Variants in TNXB observed in about 807,000 individuals in gnomAD.
The protein encoded by TNXB is tenascin XB.
A neutral mutation model predicts 340.5 loss-of-function variants in TNXB; 183 were observed. The observed-to-expected ratio is 0.54, with a 90% confidence interval of 0.48 to 0.61. TNXB has a LOEUF of 0.61. TNXB is among the 20% of genes least tolerant of loss of function. The pLI, the probability that TNXB is intolerant of heterozygous loss-of-function variation, is 0.00. For synonymous variants in TNXB, 2,121 were observed against 2,314.5 expected (o/e 0.92, Z 2.40); for missense variants, 4,613 against 5,446.4 (o/e 0.85, Z 4.82).
chr6:32,061,325 G>GAA lies in TNXB; in HGVS notation c.7492+70_7492+71dup. 5.8e-6 allele frequency: 9 copies of GAA among 1,563,286 alleles called. No homozygotes were observed. Among genetic ancestry groups the GAA allele is most frequent in the Non-Finnish European group, 7.8e-6 (9 of 1,153,354 alleles). On this transcript the variant is annotated intron_variant, in intron 21 of 43. Coordinates refer to ENST00000644971, the MANE Select transcript of TNXB (RefSeq NM_001365276.2). The surrounding 1 kb of genome is among the most constrained non-coding windows in gnomAD (Gnocchi z 4.4). Reference sequence around the variant, plus strand: ...CAAGTCTGGACCCACAGGGCTTGGTGAAAGGGCACAGCAGTAAACCAGGTA... The same window carrying GAA: ...CAAGTCTGGACCCACAGGGCTTGGTGAAAAAGGGCACAGCAGTAAACCAGGTA...
rs1266102994 is a variant in TNXB, at chr6:32,069,839, A to G, written c.5301T>C (p.Asp1767=). ...GTTEARSAMD[D]TGTKRPPKPR... is the part of the protein sequence containing the mutation. ...GTTTTGGGGGACGCTTTGTTCCAGT[A>G]TCATCCATAGCACTCCGGGCTTCTG... The change falls in exon 15 of 44, where the codon GAT becomes GAC. Residue 1767 remains aspartate (D), a synonymous_variant. Coordinates refer to ENST00000644971, the MANE Select transcript of TNXB (RefSeq NM_001365276.2). The surrounding 1 kb of genome is among the most constrained non-coding windows in gnomAD (Gnocchi z 6.2). 2 of 1,606,900 alleles carry G rather than the reference A, an allele frequency of 1.2e-6. 1 individual carries two copies. The highest frequency in any genetic ancestry group is 3.3e-4 in the Middle Eastern group (2 of 6,032).
In TNXB at chr6:32,088,835, G is replaced by A. The variant is rs1295077978; in HGVS notation, c.2729C>T (p.Ala910Val). ...PGVEYVVTVT[A>V]ERGRAVSYPA... ...GTAGCTGACTGCCCGGCCCCGCTCC[G>A]CTGTGACAGTCACCACATATTCTAC... The change falls in exon 6 of 44, where the codon GCG becomes GTG. Residue 910 changes from alanine (A) to valine (V), a missense_variant. Ala to Val is a moderately conservative substitution (Grantham distance 64, BLOSUM62 0). Coordinates refer to ENST00000644971, the MANE Select transcript of TNXB (RefSeq NM_001365276.2). 4 of 1,582,432 alleles carry A rather than the reference G, an allele frequency of 2.5e-6. No homozygotes were observed. Among genetic ancestry groups the A allele is most frequent in the East Asian group, 4.6e-5 (2 of 43,520 alleles).
In TNXB at chr6:32,051,416, TA is replaced by T. The variant is rs1777277666; in HGVS notation, c.9116-1096del. ...AAGAAAAATTCGCTTCAACAAATTCTAAGAGAGTTTCCAAATCTGTTACTGG... is the reference window on the plus strand; with the variant it reads ...AAGAAAAATTCGCTTCAACAAATTCTAGAGAGTTTCCAAATCTGTTACTGG... On this transcript the variant is annotated intron_variant, in intron 26 of 43. Transcript: ENST00000644971. The surrounding 1 kb of genome is among the most constrained non-coding windows in gnomAD (Gnocchi z 4.7). Among the ~76,000 whole-genome samples, 1 of 152,234 alleles carries T rather than the reference TA, an allele frequency of 6.6e-6. No homozygotes were observed. The highest frequency in any genetic ancestry group is 1.5e-5 in the Non-Finnish European group (1 of 68,038).
Position 32,046,451 on chromosome 6 carries a change from G to A in TNXB, c.10330C>T (p.Leu3444=). 6.4e-7 allele frequency: 1 copy of A among 1,572,198 alleles called. No individual in the cohort carries two copies. The highest frequency in any genetic ancestry group is 8.7e-7 in the Non-Finnish European group (1 of 1,152,242). Reference sequence around the variant, plus strand: ...AGGTGGGGAGGTAGCTCCTTCTCCAGGGGAGCTGTGCAGAGGGAGGAGGGA... The same window carrying A: ...AGGTGGGGAGGTAGCTCCTTCTCCAAGGGAGCTGTGCAGAGGGAGGAGGGA... ...PISADSTTAP[L]EKELPPHLGE... Residue 3444 remains leucine (L), a synonymous_variant, in exon 31 of 44, where the codon CTG becomes TTG. Transcript: ENST00000644971. The surrounding 1 kb of genome is among the most constrained non-coding windows in gnomAD (Gnocchi z 6.9).
chr6:32,063,220 T>C (rs1778139149), intron 19 of TNXB, among the ~76,000 whole-genome samples: 1 of 152,056 alleles, frequency 6.6e-6, no homozygotes, highest in African/African-American at 2.4e-5. Flanking sequence ...AAATCCTGTC[T>C]GTACTAAAAA....
chr6:32,093,383 C>T lies in TNXB; in HGVS notation c.2358+1693G>A, dbSNP rs780347857. 18 of 701,736 alleles carry T rather than the reference C, an allele frequency of 2.6e-5. 1 individual carries two copies. The Middle Eastern group carries it at 6.9e-4, about 27-fold the overall frequency. 43.5% of individuals were successfully genotyped at this position (701,736 alleles called of 1,614,324 possible). A position where few individuals can be genotyped will look rare whatever the true frequency, so the allele number is the denominator to read the frequency against. On this transcript the variant is annotated intron_variant, in intron 4 of 43. Transcript: ENST00000644971. The stretch of plus-strand genomic sequence containing the variant: ...GAAAAAATTCAAGCTATCTTGGTTG[C>T]GCCACGAAGTTGAGATTTCTGCTTC...
chr6:32,043,460 T>A lies in TNXB; in HGVS notation c.11627A>T (p.Asp3876Val). 1 of 587,036 alleles carries A rather than the reference T, an allele frequency of 1.7e-6. No homozygotes were observed. Among genetic ancestry groups the A allele is most frequent in the Non-Finnish European group, 2.9e-6 (1 of 342,036 alleles). 36.4% of individuals were successfully genotyped at this position (587,036 alleles called of 1,614,324 possible). A position where few individuals can be genotyped will look rare whatever the true frequency, so the allele number is the denominator to read the frequency against. Residue 3876 changes from aspartate to valine, a missense_variant, in exon 36 of 44, where the codon GAC becomes GTC. Asp to Val is a radical substitution (Grantham distance 152, BLOSUM62 -3). Coordinates refer to ENST00000644971, the MANE Select transcript of TNXB (RefSeq NM_001365276.2). ...ACCCCCAGGGGCTGTGACCTGGACG[T>A]CATAGGTGTCCACAGGATTCTGGGG... ...KPPQNPVDTY[D>V]VQVTAPGAPP...
Position 32,042,473 on chromosome 6 carries a change from A to G in TNXB, c.12192T>C (p.Thr4064=), listed in dbSNP as rs777283220. Residue 4064 remains threonine, a synonymous_variant, in exon 40 of 44, where the codon ACT becomes ACC. Transcript: ENST00000644971. ...CACCCACCAGCCAGCCGCCCCCATC[A>G]GTCTCCATGTCGCAAAACACGTTCA... ...RPLNVFCDME[T]DGGGWLVFQR... 6.2e-7 allele frequency: 1 copy of G among 1,612,468 alleles called. No individual in the cohort carries two copies. The highest frequency in any genetic ancestry group is 1.7e-5 in the Admixed American group (1 of 59,964).
Position 32,069,652 on chromosome 6 carries a change from T to G in TNXB, c.5488A>C (p.Ser1830Arg), listed in dbSNP as rs200519530. The G allele has an allele frequency of 9.7e-4, 1,563 of 1,612,968 alleles. 3 individuals are homozygous for G. The highest frequency in any genetic ancestry group is 1.1e-3 in the Non-Finnish European group (1,268 of 1,179,584). The change falls in exon 15 of 44, where the codon AGC becomes CGC. Residue 1830 changes from serine to arginine, a missense_variant. Around this residue, in one of 7 missense-constraint regions of TNXB, gnomAD observed 4,327 missense variants for 4,859.4 expected, o/e 0.89. Transcript: ENST00000644971. The surrounding 1 kb of genome is among the most constrained non-coding windows in gnomAD (Gnocchi z 6.2). ...TGGGCAGGGTCCAGGCCCGGCACGC[T>G]GACCTCCCTGAGGCTGCCCTCCACG... ...VPVEGSLREV[S>R]VPGLDPAHRY...
At chr6:32,053,147 C>T (rs574882922) in intron 25 of TNXB, among the ~76,000 whole-genome samples, 154 bp from the exon 26 acceptor site, 8 of 152,220 alleles carry the variant, frequency 5.3e-5, no homozygotes, top group Admixed American at 2.0e-4. Flanking sequence ...GCTCAGTTTA[C>T]AGTCAACACA....
At position 32,062,484 on chromosome 6, in the gene TNXB, C is replaced by G. The variant is rs1243672817; in HGVS notation, c.6842-1G>C. On this transcript the variant is annotated splice_acceptor_variant, in intron 19 of 43. Transcript: ENST00000644971. LOFTEE classifies it high-confidence loss of function. The surrounding 1 kb of genome is among the most constrained non-coding windows in gnomAD (Gnocchi z 4.3). ...GCCATTTCTTCATCCTTTCCTGGGG[C>G]TGCATCAGAAAATAGAATGGGTGGG... is the stretch of plus-strand genomic sequence containing the variant. 6.3e-7 allele frequency: 1 copy of G among 1,596,668 alleles called. No homozygotes were observed. Among genetic ancestry groups the G allele is most frequent in the Non-Finnish European group, 8.6e-7 (1 of 1,169,586 alleles).
Position 32,064,244 on chromosome 6 carries a change from A to G in TNXB, c.6841+577T>C, listed in dbSNP as rs1196878190. Among the ~76,000 whole-genome samples, 1 of 151,916 alleles carries G rather than the reference A, an allele frequency of 6.6e-6. No homozygotes were observed. The highest frequency in any genetic ancestry group is 1.9e-4 in the East Asian group (1 of 5,182). On this transcript the variant is annotated intron_variant, in intron 19 of 43. Transcript: ENST00000644971. This position sits in a 1 kb window ranked among gnomAD's most constrained non-coding sequence, Gnocchi z 5.3. ...TTTTGTTTTTTTGAGACAGGGTCTC[A>G]CTCTGTCACACAGGCTGGAGTGCAG... is the stretch of plus-strand genomic sequence containing the variant.
At position 32,074,154 on chromosome 6, in the gene TNXB, C is replaced by G. The variant is rs9366789; in HGVS notation, c.4376-202G>C. Among the ~76,000 whole-genome samples the G allele has an allele frequency of 0.013, 2,004 of 152,066 alleles. 135 individuals are homozygous for G. In the East Asian group the frequency reaches 0.21, roughly 16 times the overall value. ...GCCTTAGCCTCCCAAGTAGCTGGGA[C>G]TACAGGCGTGCGCCACCATGCCTGC... On this transcript the variant is annotated intron_variant, in intron 11 of 43. Coordinates refer to ENST00000644971, the MANE Select transcript of TNXB (RefSeq NM_001365276.2). The surrounding 1 kb of genome is among the most constrained non-coding windows in gnomAD (Gnocchi z 5.5).
Position 32,081,729 on chromosome 6 carries a change from G to A in TNXB, c.3737-56C>T. On this transcript the variant is annotated intron_variant, in intron 9 of 43. Coordinates refer to ENST00000644971, the MANE Select transcript of TNXB (RefSeq NM_001365276.2). The surrounding 1 kb of genome is among the most constrained non-coding windows in gnomAD (Gnocchi z 5.1). Reference sequence around the variant, plus strand: ...AACTGGCAGCCTGGGACTGGGGCTTGGGGTTTCGACGGGATGTCACACCTA... The same window carrying A: ...AACTGGCAGCCTGGGACTGGGGCTTAGGGTTTCGACGGGATGTCACACCTA... 6.9e-7 allele frequency: 1 copy of A among 1,443,946 alleles called. No homozygotes were observed. Among genetic ancestry groups the A allele is most frequent in the Non-Finnish European group, 9.3e-7 (1 of 1,071,278 alleles). The allele number at this position is 1,443,946 out of a possible 1,614,324, so 89.4% of individuals were successfully genotyped here. A position where few individuals can be genotyped will look rare whatever the true frequency, so the allele number is the denominator to read the frequency against.
Position 32,058,058 on chromosome 6 carries a change from C to T in TNXB, c.7825G>A (p.Glu2609Lys). 6.2e-7 allele frequency: 1 copy of T among 1,607,266 alleles called. No individual in the cohort carries two copies. The highest frequency in any genetic ancestry group is 8.5e-7 in the Non-Finnish European group (1 of 1,176,718). Residue 2609 changes from glutamate to lysine, a missense_variant and splice_region_variant, in exon 22 of 44, where the codon GAG becomes AAG. Around this residue, in one of 7 missense-constraint regions of TNXB, gnomAD observed 4,327 missense variants for 4,859.4 expected, o/e 0.89. Coordinates refer to ENST00000644971, the MANE Select transcript of TNXB (RefSeq NM_001365276.2). The surrounding 1 kb of genome is among the most constrained non-coding windows in gnomAD (Gnocchi z 5.1). Reference protein sequence around the residue: ...LGPVSAVGVTEDEAETTQAVP... With the variant: ...LGPVSAVGVTKDEAETTQAVP... ...CCCTGCCCCACCCACACTCACTCACCTGTGACGCCCACGGCAGACACCGGG... is the reference window on the plus strand; with the variant it reads ...CCCTGCCCCACCCACACTCACTCACTTGTGACGCCCACGGCAGACACCGGG...
chr6:32,095,570 A>C (rs1386169497), intron 3 of TNXB, 41 bp downstream of exon 3: 7 of 1,578,352 alleles, frequency 4.4e-6, no homozygotes, highest in Non-Finnish European at 6.0e-6. Flanking sequence ...TGTTCACAGA[A>C]TCACAGTCCC....
At position 32,072,303 on chromosome 6, in the gene TNXB, G is replaced by T; in HGVS notation, c.4682-5C>A. ...CTGGGGCTGGTGGGAGGGGAGCTGGGATTTGGGAAGACAAAGAACATGGTT... is the reference window on the plus strand; with the variant it reads ...CTGGGGCTGGTGGGAGGGGAGCTGGTATTTGGGAAGACAAAGAACATGGTT... On this transcript the variant is annotated splice_region_variant and splice_polypyrimidine_tract_variant and intron_variant, in intron 12 of 43. Transcript: ENST00000644971. This position sits in a 1 kb window ranked among gnomAD's most constrained non-coding sequence, Gnocchi z 4.4. 1 of 1,589,686 alleles carries T rather than the reference G, an allele frequency of 6.3e-7. No homozygotes were observed. The highest frequency in any genetic ancestry group is 8.6e-7 in the Non-Finnish European group (1 of 1,166,042).
chr6:32,078,073 G>GAGAAAGAAAGAAAGAAAGAAAGAA (rs57498424), intron 11 of TNXB, among the ~76,000 whole-genome samples: 6 of 125,094 alleles, frequency 4.8e-5, no homozygotes, highest in South Asian at 2.9e-4. Flanking sequence ...CAGAAAGAAA[G>GAGAAAGAAAGAAAGAAAGAAAGAA]AGAAAGAAAG....
In TNXB at chr6:32,069,154, G is replaced by A. The variant is rs1562829051; in HGVS notation, c.5588-18C>T. On this transcript the variant is annotated intron_variant, in intron 15 of 43. Transcript: ENST00000644971. This position sits in a 1 kb window ranked among gnomAD's most constrained non-coding sequence, Gnocchi z 6.2. ...CCTGCCGGCTGGTTCACAGAGACAG[G>A]TAGAGACAGATGGCTGGTGTGTCGC... 6.3e-7 allele frequency: 1 copy of A among 1,591,306 alleles called. No homozygotes were observed. The highest frequency in any genetic ancestry group is 2.2e-5 in the East Asian group (1 of 44,654).
Sources: gnomAD v4.1 joint callset for allele counts (sites outside exome capture counted in the v4.1 genomes callset) on GRCh38, gnomAD v4.1.1 for gene constraint, gnomAD v4.1.1 regional missense constraint, Gnocchi (gnomAD v3.1) non-coding constraint, MANE v1.5 for transcripts, NCBI Gene and HGNC (gene_info 2026-07-23, HGNC 2026-07-21) for gene names.